The following OTUD7B variants were observed in gnomAD, a reference collection of about 807,000 sequenced individuals.
The protein encoded by OTUD7B is OTU domain-containing protein 7B.
In OTUD7B, 34 loss-of-function variants were observed where a neutral mutation model predicts 82.2. The ratio of observed to expected loss-of-function variants is 0.41; its 90% CI spans 0.31 to 0.55. OTUD7B has a LOEUF of 0.55. OTUD7B is among the 20% of genes least tolerant of loss of function. The pLI, the probability that OTUD7B is intolerant of heterozygous loss-of-function variation, is 0.20. For missense variants in OTUD7B, 944 were observed against 1,062.1 expected, an observed-to-expected ratio of 0.89 and a Z score of 1.55; for synonymous variants, 398 against 402.7, an observed-to-expected ratio of 0.99 and a Z score of 0.14.
chr1:150,040,961 CG>C, the OTUD7B span, among the ~76,000 whole-genome samples: 1 of 152,076 alleles, frequency 6.6e-6, no homozygotes, highest in Non-Finnish European at 1.5e-5. Flanking sequence ...CTGCCCTCCT[CG>C]GCCTCCCAAA....
the OTUD7B span, chr1:150,054,808 C>CA: frequency 7.2e-3 from 302 of 41,736 alleles, 37 homozygotes; most frequent in African/African-American, 0.028. Context: ...AACTCAGTCT[C>CA]AAAAAAAAAA....
chr1:150,027,349 G>A, the OTUD7B span, among the ~76,000 whole-genome samples: 1 of 152,174 alleles, frequency 6.6e-6, no homozygotes, highest in South Asian at 2.1e-4. Context: ...ACTTTGGGAG[G>A]CTGAGGTGGG....
At position 149,944,225 on chromosome 1, in the gene OTUD7B, C is replaced by T. The variant is rs1553771266; in HGVS notation, c.2164G>A (p.Gly722Arg). The change falls in exon 12 of 12, where the codon GGG becomes AGG. Residue 722 changes from glycine (G) to arginine (R), a missense_variant. Coordinates refer to ENST00000581312, the MANE Select transcript of OTUD7B (RefSeq NM_020205.4). ...AAGGTGGCATATGGTGGTAGGCCCC[C>T]GACACATGGACCCCCTGCCAACTGC... ...RRQLAGGPCVGGLPPYATFPR... is the reference protein window; with the variant it reads ...RRQLAGGPCVRGLPPYATFPR... 3.1e-6 allele frequency: 5 copies of T among 1,612,914 alleles called. No individual in the cohort carries two copies. Among genetic ancestry groups the T allele is most frequent in the Admixed American group, 1.7e-5 (1 of 59,930 alleles).
At chr1:150,042,075 G>A in the OTUD7B span, among the ~76,000 whole-genome samples, 1 of 148,294 alleles carries the variant, frequency 6.7e-6, no homozygotes, top group Non-Finnish European at 1.5e-5. Flanking sequence ...GTCTCACTCT[G>A]TCACCCAGGC....
intron 1 of OTUD7B, among the ~76,000 whole-genome samples, chr1:149,984,710 C>T (rs1553780480): frequency 6.6e-6 from 1 of 152,196 alleles, no homozygotes; most frequent in Non-Finnish European, 1.5e-5. Context: ...CTTATTCTCT[C>T]ATCTCTGTCT....
the OTUD7B span, among the ~76,000 whole-genome samples, chr1:150,023,925 A>C: frequency 6.6e-6 from 1 of 152,206 alleles, no homozygotes. Flanking sequence ...CAATTTAAAA[A>C]GTTTTAAAGG....
At chr1:149,998,926 G>GT (rs1190726287) in intron 1 of OTUD7B, among the ~76,000 whole-genome samples, 1 of 152,122 alleles carries the variant, frequency 6.6e-6, no homozygotes, top group African/African-American at 2.4e-5. Context: ...TACATAGCCT[G>GT]TATTTGTTTC....
chr1:149,967,101 C>G (rs1381906979), intron 4 of OTUD7B, among the ~76,000 whole-genome samples, 193 bp downstream of exon 4: 4 of 152,148 alleles, frequency 2.6e-5, no homozygotes, highest in Non-Finnish European at 5.9e-5. Flanking sequence ...TTCCATCAAC[C>G]AGGAAATTCC....
intron 1 of OTUD7B, among the ~76,000 whole-genome samples, chr1:149,993,087 G>C (rs143623352): frequency 6.6e-6 from 1 of 152,238 alleles, no homozygotes; most frequent in East Asian, 1.9e-4. Flanking sequence ...GGAGGTGGAG[G>C]CTGCAATGAG....
At chr1:150,056,292 T>G in the OTUD7B span, among the ~76,000 whole-genome samples, 1 of 152,198 alleles carries the variant, frequency 6.6e-6, no homozygotes, top group East Asian at 1.9e-4. Flanking sequence ...TAATCTAGTT[T>G]GATCTTTTTT....
chr1:149,967,186 A>G (rs1356751900), intron 4 of OTUD7B, 108 bp downstream of exon 4: 1 of 680,600 alleles, frequency 1.5e-6, no homozygotes, highest in Non-Finnish European at 2.5e-6. Flanking sequence ...CTTTGCAATC[A>G]GATAACACAC....
At chr1:150,061,007 A>C in the OTUD7B span, among the ~76,000 whole-genome samples, 3 of 152,148 alleles carry the variant, frequency 2.0e-5, no homozygotes, top group Middle Eastern at 3.4e-3. Context: ...TGCAGCCTCA[A>C]GCTCATCGCA....
upstream of OTUD7B, among the ~76,000 whole-genome samples, chr1:150,011,005 A>G (rs1653014177): frequency 6.6e-6 from 1 of 152,214 alleles, no homozygotes; most frequent in Non-Finnish European, 1.5e-5. Context: ...TCAGTTGGCT[A>G]CAGCCGTTGG....
At chr1:150,044,655 G>A in the OTUD7B span, among the ~76,000 whole-genome samples, 1 of 148,716 alleles carries the variant, frequency 6.7e-6, no homozygotes, top group South Asian at 2.1e-4. Flanking sequence ...GGGCAACAGA[G>A]CAAGATTCTG....
rs1469888566 is a variant in OTUD7B, at chr1:149,941,904, T to C, written c.*1953A>G. 1.3e-5 allele frequency: 2 copies of C among 152,202 alleles called. No individual in the cohort carries two copies. Among genetic ancestry groups the C allele is most frequent in the African/African-American group, 4.8e-5 (2 of 41,452 alleles). The allele number at this position is 152,202 out of a possible 1,614,324, so 9.4% of individuals were successfully genotyped here. ...CCTAGACATATACACATCCCTTCCT[T>C]TGGAATCTCACTGCTTCCTTAACAC... On this transcript the variant is annotated 3_prime_UTR_variant, in exon 12 of 12. Coordinates refer to ENST00000581312, the MANE Select transcript of OTUD7B (RefSeq NM_020205.4).
intron 8 of OTUD7B, among the ~76,000 whole-genome samples, 155 bp downstream of exon 8, chr1:149,949,939 A>G (rs1553772962): frequency 2.0e-5 from 3 of 152,204 alleles, no homozygotes. Context: ...TGCTTTACTC[A>G]GAATCTCTTG....
the OTUD7B span, among the ~76,000 whole-genome samples, chr1:150,031,860 T>A: frequency 6.6e-6 from 1 of 152,188 alleles, no homozygotes; most frequent in African/African-American, 2.4e-5. Context: ...CATAATAAGG[T>A]CTATGTTAAG....
Position 149,949,728 on chromosome 1 carries a change from C to A in OTUD7B, c.1024G>T (p.Ala342Ser). 1 of 1,614,150 alleles carries A rather than the reference C, an allele frequency of 6.2e-7. No homozygotes were observed. Among genetic ancestry groups the A allele is most frequent in the Non-Finnish European group, 8.5e-7 (1 of 1,180,022 alleles). ...AGAGGGGAGCGGTGACACTGGCTGG[C>A]TGGGACCTCCAAAGGCAGATAGATT... ...GGIYLPLEVPASQCHRSPLVL... is the reference protein window; with the variant it reads ...GGIYLPLEVPSSQCHRSPLVL... Residue 342 changes from alanine to serine, a missense_variant, in exon 9 of 12, where the codon GCC becomes TCC. Around this residue, in one of 3 missense-constraint regions of OTUD7B, gnomAD observed 530 missense variants for 625.6 expected, o/e 0.85. Coordinates refer to ENST00000581312, the MANE Select transcript of OTUD7B (RefSeq NM_020205.4).
chr1:150,020,855 C>T, the OTUD7B span, among the ~76,000 whole-genome samples: 7 of 152,148 alleles, frequency 4.6e-5, no homozygotes, highest in Admixed American at 4.6e-4. Context: ...TTTGGTGCAC[C>T]TAAATAACAA....
Sources: gnomAD v4.1 joint callset for allele counts (sites outside exome capture counted in the v4.1 genomes callset) on GRCh38, gnomAD v4.1.1 for gene constraint, gnomAD v4.1.1 regional missense constraint, MANE v1.5 for transcripts, NCBI Gene and HGNC (gene_info 2026-07-23, HGNC 2026-07-21) for gene names.